The following UBL5 variants were observed in gnomAD, a reference collection of about 807,000 sequenced individuals.
UBL5 encodes the protein ubiquitin-like protein 5.
UBL5 carries 13 observed loss-of-function variants against 11.7 expected under a neutral mutation model. The observed-to-expected ratio is 1.11, with a 90% CI of 0.73 to 1.77. The LOEUF is 1.77. Among genes scored for constraint, UBL5 ranks in the 40% most tolerant of loss-of-function variants. UBL5 has a pLI of 0.00. For synonymous variants in UBL5, 28 were observed against 34.7 expected (o/e 0.81, Z 0.68); for missense variants, 58 against 92.3 (o/e 0.63, Z 1.52).
intron 1 of UBL5, 131 bp downstream of exon 1, chr19:9,828,115 G>A (rs531708192): frequency 8.3e-5 from 50 of 600,438 alleles, no homozygotes; most frequent in Non-Finnish European, 1.4e-4. Flanking sequence ...AGAAGGGGCG[G>A]AGGCGCGGCT....
In UBL5 at chr19:9,829,951, C is replaced by T. The variant is rs763632915; in HGVS notation, c.179-14C>T. On this transcript the variant is annotated splice_polypyrimidine_tract_variant and intron_variant, in intron 4 of 4. Transcript: ENST00000586895. ...GGAAGTCAGAGTCAGGATTCCTTAACACCTTTCCTTCAGATGAAATCCACG... is the reference window on the plus strand; with the variant it reads ...GGAAGTCAGAGTCAGGATTCCTTAATACCTTTCCTTCAGATGAAATCCACG... 1.2e-6 allele frequency: 2 copies of T among 1,614,010 alleles called. No individual in the cohort carries two copies. The highest frequency in any genetic ancestry group is 1.7e-5 in the Admixed American group (1 of 59,992).
chr19:9,829,727 C>T (rs905875416), intron 4 of UBL5: 7 of 490,904 alleles, frequency 1.4e-5, no homozygotes, highest in Admixed American at 1.1e-4. Context: ...AAACTCCTGA[C>T]GTCAAGTGAG....
intron 4 of UBL5, 168 bp downstream of exon 4, chr19:9,829,042 G>T: frequency 1.5e-6 from 1 of 676,658 alleles, no homozygotes; most frequent in South Asian, 1.8e-5. Flanking sequence ...TTGGGGAGGA[G>T]AGTGGTTGGT....
Position 9,828,392 on chromosome 19 carries a change from A to G in UBL5, c.55A>G (p.Asn19Asp), listed in dbSNP as rs767755244. 6.2e-7 allele frequency: 1 copy of G among 1,614,060 alleles called. No individual in the cohort carries two copies. Among genetic ancestry groups the G allele is most frequent in the South Asian group, 1.1e-5 (1 of 91,082 alleles). Residue 19 changes from asparagine to aspartate, a missense_variant and splice_region_variant, in exon 2 of 5, where the codon AAC (asparagine) becomes GAC (aspartate). Transcript: ENST00000586895. ...GGGGAAGAAGGTCCGCGTTAAATGC[A>G]AGTATCCACTGGCAGCCGAGAGGCA... ...RLGKKVRVKC[N>D]TDDTIGDLKK...
At chr19:9,828,104 G>A in intron 1 of UBL5, 120 bp downstream of exon 1, 6 of 595,020 alleles carry the variant, frequency 1.0e-5, no homozygotes, top group Non-Finnish European at 1.8e-5. Flanking sequence ...TTCAGGCGGC[G>A]AGAAGGGGCG....
chr19:9,829,228 G>T (rs1049360849), intron 4 of UBL5: 8 of 228,292 alleles, frequency 3.5e-5, no homozygotes, highest in African/African-American at 1.8e-4. Context: ...CTGTCGCCCA[G>T]GCTGGAGTGC....
rs1031511092 is a variant in UBL5 at position 9,827,993 on chromosome 19, G to T, written c.-12+9G>T. 1 of 409,862 alleles carries T rather than the reference G, an allele frequency of 2.4e-6. No individual in the cohort carries two copies. The allele number at this position is 409,862 out of a possible 1,614,324, so 25.4% of individuals were successfully genotyped here. A position where few individuals can be genotyped will look rare whatever the true frequency, so the allele number is the denominator to read the frequency against. ...GTTCGAGGCGATTCGAGGTGAGGGGGTCAAGCGGAGAGGCTCGGAGTCGGA... is the reference window on the plus strand; with the variant it reads ...GTTCGAGGCGATTCGAGGTGAGGGGTTCAAGCGGAGAGGCTCGGAGTCGGA... On this transcript the variant is annotated intron_variant, in intron 1 of 4. Coordinates refer to ENST00000586895, the MANE Select transcript of UBL5 (RefSeq NM_001048241.3).
intron 4 of UBL5, 134 bp from the exon 5 acceptor site, chr19:9,829,831 A>G: frequency 2.1e-6 from 2 of 964,314 alleles, no homozygotes; most frequent in Non-Finnish European, 3.2e-6. Context: ...TTCTCTCCAA[A>G]TAAAAATGGC....
rs1277937585 is a variant in UBL5, at chr19:9,829,887, C to G, written c.179-78C>G. ...TTAGCCCTGGGCTGAGACCTCAGGC[C>G]ACCTGACCCGGCTGTGAATGGATGA... On this transcript the variant is annotated intron_variant, in intron 4 of 4. Transcript: ENST00000586895. 4 of 1,570,060 alleles carry G rather than the reference C, an allele frequency of 2.5e-6. No individual in the cohort carries two copies. The African/African-American group carries it at 5.4e-5, about 21-fold the overall frequency.
intron 2 of UBL5, 62 bp from the exon 3 acceptor site, chr19:9,828,530 G>A: frequency 1.2e-6 from 2 of 1,610,854 alleles, no homozygotes; most frequent in Admixed American, 3.3e-5. Flanking sequence ...ATGGTATTCT[G>A]CCCTAGAATG....
At chr19:9,829,013 G>T in intron 4 of UBL5, 139 bp downstream of exon 4, 1 of 812,130 alleles carries the variant, frequency 1.2e-6, no homozygotes, top group South Asian at 1.5e-5. Flanking sequence ...TAGAAAATGG[G>T]AGCTAGGTAA....
At position 9,830,062 on chromosome 19, in the gene UBL5, A is replaced by G. The variant is rs2046047530; in HGVS notation, c.*54A>G. ...TTCCTCTCCCATCCTCATCCCCCACACTGGGATAGATGCTTGTTTGTAAAA... is the reference window on the plus strand; with the variant it reads ...TTCCTCTCCCATCCTCATCCCCCACGCTGGGATAGATGCTTGTTTGTAAAA... On this transcript the variant is annotated 3_prime_UTR_variant, in exon 5 of 5. Coordinates refer to ENST00000586895, the MANE Select transcript of UBL5 (RefSeq NM_001048241.3). The G allele has an allele frequency of 6.3e-7, 1 of 1,599,862 alleles. No individual in the cohort carries two copies. Among genetic ancestry groups the G allele is most frequent in the Non-Finnish European group, 8.6e-7 (1 of 1,168,612 alleles).
chr19:9,829,830 A>G (rs771130243), intron 4 of UBL5, 135 bp from the exon 5 acceptor site: 14 of 952,582 alleles, frequency 1.5e-5, no homozygotes, highest in African/African-American at 6.6e-5. Context: ...GTTCTCTCCA[A>G]ATAAAAATGG....
chr19:9,829,927 G>T (rs1568355017), intron 4 of UBL5, 38 bp from the exon 5 acceptor site: 3 of 1,613,738 alleles, frequency 1.9e-6, no homozygotes, highest in Non-Finnish European at 2.5e-6. Flanking sequence ...GGTGGGGACG[G>T]AAGTCAGAGT....
intron 4 of UBL5, 74 bp downstream of exon 4, chr19:9,828,948 C>T: frequency 6.9e-7 from 1 of 1,441,962 alleles, no homozygotes; most frequent in South Asian, 1.1e-5. Flanking sequence ...CTAAAGTCTG[C>T]ATGAGCTTAT....
At chr19:9,829,751 C>T in intron 4 of UBL5, 1 of 538,726 alleles carries the variant, frequency 1.9e-6, no homozygotes, top group Middle Eastern at 3.5e-4. Flanking sequence ...CCTGCTTCGT[C>T]CTCTCAAAGT....
At chr19:9,828,042 C>A (rs1376361502) in intron 1 of UBL5, 58 bp downstream of exon 1, 1 of 517,660 alleles carries the variant, frequency 1.9e-6, no homozygotes, top group African/African-American at 1.9e-5. Context: ...ACCCAGCCAC[C>A]CAGGGTCTGG....
chr19:9,829,432 C>T (rs1371829237), intron 4 of UBL5: 2 of 160,748 alleles, frequency 1.2e-5, no homozygotes, highest in African/African-American at 2.4e-5. Context: ...CCTCCCGCCT[C>T]GGCCTCCCAA....
intron 1 of UBL5, 140 bp from the exon 2 acceptor site, chr19:9,828,187 G>T (rs2145398478): frequency 3.8e-6 from 3 of 793,432 alleles, no homozygotes; most frequent in South Asian, 1.6e-5. Flanking sequence ...AGTCCGGGGG[G>T]TTGGGGGCAG....
Sources: allele counts gnomAD v4.1 joint callset, GRCh38; gene constraint gnomAD v4.1.1; transcripts MANE v1.5; gene names NCBI Gene and HGNC (gene_info 2026-07-23, HGNC 2026-07-21).